The following KCNK13 variants were observed in gnomAD, a reference collection of about 807,000 sequenced individuals.
KCNK13 encodes potassium two pore domain channel subfamily K member 13.
A neutral mutation model predicts 23.4 loss-of-function variants in KCNK13; 12 were observed. That is an observed-to-expected ratio of 0.51 (90% CI 0.33 to 0.83). The LOEUF (loss-of-function observed/expected upper bound fraction) is 0.83, where lower values mean the gene tolerates loss of function less well. Among genes scored for constraint, KCNK13 ranks in the 40% least tolerant of loss-of-function variants. The pLI, the probability that KCNK13 is intolerant of heterozygous loss-of-function variation, is 0.02. For synonymous variants in KCNK13, 231 were observed against 229.5 expected, an observed-to-expected ratio of 1.01 and a Z score of -0.06; for missense variants, 463 against 556.3, an observed-to-expected ratio of 0.83 and a Z score of 1.69.
chr14:90,174,690 C>A (rs557624325), intron 1 of KCNK13, among the ~76,000 whole-genome samples: 30 of 151,944 alleles, frequency 2.0e-4, no homozygotes, highest in South Asian at 6.2e-4. Context: ...TTCATCTCTA[C>A]AAAAAATCCA....
chr14:90,063,545 T>C lies in KCNK13; in HGVS notation c.334+1006T>C, dbSNP rs183461912. Among the ~76,000 whole-genome samples the C allele has an allele frequency of 2.1e-4, 32 of 151,766 alleles. 1 individual carries two copies. The East Asian group carries it at 6.0e-3, about 29-fold the overall frequency. The stretch of plus-strand genomic sequence containing the variant: ...AGAGACCTGGAGCAGGGGAGGGAGG[T>C]TGGAAGAGTTAGACGGAGAGGAAGT... On this transcript the variant is annotated intron_variant, in intron 1 of 1. Coordinates refer to ENST00000282146, the MANE Select transcript of KCNK13 (RefSeq NM_022054.4).
intron 1 of KCNK13, among the ~76,000 whole-genome samples, chr14:90,078,618 A>AAGGCAGGC (rs534550197): frequency 4.0e-4 from 61 of 151,614 alleles, no homozygotes; most frequent in African/African-American, 1.4e-3. Context: ...AGAGGGAGGG[A>AAGGCAGGC]AGGCAGGCAG....
intron 1 of KCNK13, among the ~76,000 whole-genome samples, chr14:90,149,523 C>A (rs186451052): frequency 3.1e-4 from 47 of 152,288 alleles, no homozygotes; most frequent in Non-Finnish European, 5.0e-4. Flanking sequence ...CATCAGATCT[C>A]GTGAGATTCA....
chr14:90,181,576 C>CCGTGG (rs1890486499), intron 1 of KCNK13, among the ~76,000 whole-genome samples: 2 of 152,176 alleles, frequency 1.3e-5, no homozygotes, highest in Admixed American at 1.3e-4. Flanking sequence ...ACTCAGACCA[C>CCGTGG]GGCAGTGGCC....
chr14:90,137,021 A>G (rs902510026), intron 1 of KCNK13, among the ~76,000 whole-genome samples: 1 of 149,582 alleles, frequency 6.7e-6, no homozygotes, highest in African/African-American at 2.4e-5. Flanking sequence ...TGTAGTTTCT[A>G]GAAGGAATTA....
At chr14:90,085,926 C>G (rs988529146) in intron 1 of KCNK13, among the ~76,000 whole-genome samples, 1 of 144,460 alleles carries the variant, frequency 6.9e-6, no homozygotes, top group African/African-American at 2.6e-5. Flanking sequence ...TTTCTTATGC[C>G]CTTTGTCTTG....
intron 1 of KCNK13, among the ~76,000 whole-genome samples, chr14:90,121,633 G>A (rs1889740073): frequency 6.6e-6 from 1 of 152,172 alleles, no homozygotes; most frequent in Non-Finnish European, 1.5e-5. Flanking sequence ...CAAAGGTCAG[G>A]AGGGAAATCA....
intron 1 of KCNK13, among the ~76,000 whole-genome samples, chr14:90,168,587 A>C (rs912999411): frequency 2.0e-5 from 3 of 152,138 alleles, no homozygotes; most frequent in African/African-American, 7.2e-5. Flanking sequence ...ATTGCATCAG[A>C]TCACTATTAG....
chr14:90,164,183 G>A (rs1039123169), intron 1 of KCNK13, among the ~76,000 whole-genome samples: 5 of 152,112 alleles, frequency 3.3e-5, no homozygotes, highest in African/African-American at 7.2e-5. Context: ...CTTTTCCTCT[G>A]CCAGCTCAAT....
intron 1 of KCNK13, among the ~76,000 whole-genome samples, chr14:90,109,446 A>T (rs1166059284): frequency 2.3e-5 from 3 of 130,872 alleles, no homozygotes; most frequent in Non-Finnish European, 3.1e-5. Flanking sequence ...TCTTGCTCTG[A>T]CATCCAGGCT....
chr14:90,130,988 A>C (rs1889863590), intron 1 of KCNK13, among the ~76,000 whole-genome samples: 1 of 152,092 alleles, frequency 6.6e-6, no homozygotes. Context: ...AGAGGGCACA[A>C]GGTGCTTGGT....
intron 1 of KCNK13, among the ~76,000 whole-genome samples, chr14:90,162,129 G>A (rs1035863173): frequency 6.6e-6 from 1 of 152,112 alleles, no homozygotes; most frequent in African/African-American, 2.4e-5. Flanking sequence ...GCAGTGAGCT[G>A]TAATTGACCA....
At chr14:90,095,903 G>A (rs899056277) in intron 1 of KCNK13, among the ~76,000 whole-genome samples, 8 of 152,194 alleles carry the variant, frequency 5.3e-5, no homozygotes, top group South Asian at 2.1e-4. Context: ...GCAATAAATC[G>A]GGTCCCACAG....
intron 1 of KCNK13, among the ~76,000 whole-genome samples, chr14:90,147,539 T>C (rs148587801): frequency 6.6e-6 from 1 of 152,278 alleles, no homozygotes; most frequent in Admixed American, 6.5e-5. Flanking sequence ...TTTTCTTAGA[T>C]TTCTTAGATT....
In KCNK13 at chr14:90,062,603, G is replaced by A. The variant is rs1032397304; in HGVS notation, c.334+64G>A. On this transcript the variant is annotated intron_variant, in intron 1 of 1. Coordinates refer to ENST00000282146, the MANE Select transcript of KCNK13 (RefSeq NM_022054.4). The surrounding 1 kb of genome is among the most constrained non-coding windows in gnomAD (Gnocchi z 4.5). ...GGCCTCCACTTCCTCCGGGGGGCAG[G>A]ACCGACCCTCTCATCCTTTCATTCA... The A allele has an allele frequency of 3.2e-6, 4 of 1,248,926 alleles. No individual in the cohort carries two copies. The highest frequency in any genetic ancestry group is 3.2e-6 in the Non-Finnish European group (3 of 929,092). 77.4% of individuals were successfully genotyped at this position (1,248,926 alleles called of 1,614,324 possible). A position where few individuals can be genotyped will look rare whatever the true frequency, so the allele number is the denominator to read the frequency against.
In KCNK13 at chr14:90,185,228, G is replaced by C; in HGVS notation, c.*225G>C. On this transcript the variant is annotated 3_prime_UTR_variant, in exon 2 of 2. Transcript: ENST00000282146. ...TTGTCTCCTGATCCTTATTCTTTAAGTCTAAATTCAGTCTTTTCAAAACAA... is the reference window on the plus strand; with the variant it reads ...TTGTCTCCTGATCCTTATTCTTTAACTCTAAATTCAGTCTTTTCAAAACAA... 2.2e-6 allele frequency: 1 copy of C among 449,872 alleles called. No individual in the cohort carries two copies. The allele number at this position is 449,872 out of a possible 1,614,324, so 27.9% of individuals were successfully genotyped here. A position where few individuals can be genotyped will look rare whatever the true frequency, so the allele number is the denominator to read the frequency against.
chr14:90,164,025 A>T (rs1260402068), intron 1 of KCNK13, among the ~76,000 whole-genome samples: 3 of 151,928 alleles, frequency 2.0e-5, no homozygotes, highest in Non-Finnish European at 4.4e-5. Flanking sequence ...CTTACCAAAG[A>T]CTCTGGCATT....
chr14:90,169,108 C>T (rs895738477), intron 1 of KCNK13, among the ~76,000 whole-genome samples: 1 of 152,210 alleles, frequency 6.6e-6, no homozygotes, highest in Admixed American at 6.5e-5. Context: ...ACTAATAATA[C>T]ATTCACCTTT....
chr14:90,121,715 C>T (rs1223071843), intron 1 of KCNK13, among the ~76,000 whole-genome samples: 1 of 151,922 alleles, frequency 6.6e-6, no homozygotes, highest in African/African-American at 2.4e-5. Flanking sequence ...TACCTTTGTG[C>T]TTTTTATTTT....
Sources: gnomAD v4.1 joint callset for allele counts (sites outside exome capture counted in the v4.1 genomes callset) on GRCh38, gnomAD v4.1.1 for gene constraint, Gnocchi (gnomAD v3.1) non-coding constraint, MANE v1.5 for transcripts, NCBI Gene and HGNC (gene_info 2026-07-23, HGNC 2026-07-21) for gene names.